The following MAEL variants were observed in gnomAD, a reference collection of about 807,000 sequenced individuals.
MAEL encodes the protein maelstrom spermatogenic transposon silencer, also known as protein maelstrom homolog.
A neutral mutation model predicts 62.0 loss-of-function variants in MAEL; 46 were observed. The ratio of observed to expected loss-of-function variants is 0.74; its 90% CI spans 0.59 to 0.95. MAEL has a LOEUF of 0.95. Among genes scored for constraint, MAEL ranks in the 40% least tolerant of loss-of-function variants. The pLI is 0.00. For synonymous variants in MAEL, 172 were observed against 175.5 expected, an observed-to-expected ratio of 0.98 and a Z score of 0.16; for missense variants, 497 against 526.8, an observed-to-expected ratio of 0.94 and a Z score of 0.55.
intron 8 of MAEL, among the ~76,000 whole-genome samples, chr1:167,012,832 A>G (rs919809081): frequency 7.9e-5 from 12 of 152,300 alleles, no homozygotes; most frequent in African/African-American, 2.6e-4. Context: ...TTGTTAGACA[A>G]TCAGTGTGAC....
Position 166,999,690 on chromosome 1 carries a change from C to T in MAEL, c.524-4490C>T, listed in dbSNP as rs551261163. Among the ~76,000 whole-genome samples, 344 of 152,342 alleles carry T rather than the reference C, an allele frequency of 2.3e-3. 3 individuals are homozygous for T. The highest frequency in any genetic ancestry group is 7.9e-3 in the African/African-American group (328 of 41,580). ...GAAACCACCTTCTGTTGGAAGAAGACACCATCTGGGAGTTTCATAGCTAGA... is the reference window on the plus strand; with the variant it reads ...GAAACCACCTTCTGTTGGAAGAAGATACCATCTGGGAGTTTCATAGCTAGA... On this transcript the variant is annotated intron_variant, in intron 5 of 11. Coordinates refer to ENST00000367872, the MANE Select transcript of MAEL (RefSeq NM_032858.3).
chr1:166,982,513 AG>A (rs1405022084), intron 1 of MAEL, among the ~76,000 whole-genome samples: 4 of 152,192 alleles, frequency 2.6e-5, no homozygotes, highest in African/African-American at 9.7e-5. Flanking sequence ...TTATTAGCAC[AG>A]GAGGGAAGAT....
intron 8 of MAEL, among the ~76,000 whole-genome samples, chr1:167,010,259 A>C (rs1299870769): frequency 6.6e-6 from 1 of 152,126 alleles, no homozygotes; most frequent in Non-Finnish European, 1.5e-5. Context: ...CACCAATGCA[A>C]ATCTGTGAGT....
At position 167,021,994 on chromosome 1, in the gene MAEL, A is replaced by G. The variant is rs1020251331; in HGVS notation, c.*139A>G. 3.3e-6 allele frequency: 2 copies of G among 612,054 alleles called. No individual in the cohort carries two copies. Among genetic ancestry groups the G allele is most frequent in the Non-Finnish European group, 5.3e-6 (2 of 377,348 alleles). The allele number at this position is 612,054 out of a possible 1,614,324, so 37.9% of individuals were successfully genotyped here. On this transcript the variant is annotated 3_prime_UTR_variant, in exon 12 of 12. Coordinates refer to ENST00000367872, the MANE Select transcript of MAEL (RefSeq NM_032858.3). ...AATTTGTAAGGAAATTGTTTCATAG[A>G]TTTAAAAAAATTGTGGTTGGAGAGC... is the stretch of plus-strand genomic sequence containing the variant.
chr1:166,981,663 C>T (rs1253746968), intron 1 of MAEL, among the ~76,000 whole-genome samples: 1 of 152,154 alleles, frequency 6.6e-6, no homozygotes, highest in Non-Finnish European at 1.5e-5. Context: ...TAAGCTTTAA[C>T]ATCATCTGGA....
intron 10 of MAEL, 51 bp downstream of exon 10, chr1:167,018,010 A>G (rs761480798): frequency 3.3e-5 from 52 of 1,556,978 alleles, no homozygotes; most frequent in Middle Eastern, 1.7e-4. Flanking sequence ...GTTCTACTCA[A>G]TGTGATTCTG....
chr1:167,017,784 A>G, intron 9 of MAEL, 43 bp from the exon 10 acceptor site: 1 of 1,549,736 alleles, frequency 6.5e-7, no homozygotes, highest in South Asian at 1.2e-5. Flanking sequence ...TTTTAGTTGA[A>G]TTAAATTAGA....
intron 5 of MAEL, among the ~76,000 whole-genome samples, chr1:166,996,474 C>T (rs1300639645): frequency 6.6e-6 from 1 of 152,192 alleles, no homozygotes; most frequent in Non-Finnish European, 1.5e-5. Flanking sequence ...GCTTCCTATA[C>T]AAAAGGTCCA....
chr1:167,004,757 A>C (rs1207061270), intron 6 of MAEL, among the ~76,000 whole-genome samples: 1 of 152,174 alleles, frequency 6.6e-6, no homozygotes, highest in African/African-American at 2.4e-5. Context: ...CTTGCTACTT[A>C]GTATAACCGT....
At chr1:167,018,914 T>A (rs1044145727) in intron 10 of MAEL, among the ~76,000 whole-genome samples, 2 of 152,148 alleles carry the variant, frequency 1.3e-5, no homozygotes, top group African/African-American at 4.8e-5. Flanking sequence ...AATGGCTCTG[T>A]ATCCTGATTG....
intron 8 of MAEL, among the ~76,000 whole-genome samples, chr1:167,010,165 A>G (rs773286910): frequency 2.0e-5 from 3 of 152,080 alleles, no homozygotes; most frequent in African/African-American, 4.8e-5. Flanking sequence ...CCCTGTTTGC[A>G]CTCATTCCAT....
chr1:167,002,617 T>A (rs1664725020), intron 5 of MAEL, among the ~76,000 whole-genome samples: 1 of 152,186 alleles, frequency 6.6e-6, no homozygotes, highest in South Asian at 2.1e-4. Context: ...TTTCATGGAT[T>A]GAGGTGGTTT....
Position 166,989,348 on chromosome 1 carries a change from C to T in MAEL, c.-5C>T, listed in dbSNP as rs560543252. The T allele has an allele frequency of 6.2e-7, 1 of 1,608,544 alleles. No individual in the cohort carries two copies. Among genetic ancestry groups the T allele is most frequent in the South Asian group, 1.1e-5 (1 of 89,762 alleles). On this transcript the variant is annotated 5_prime_UTR_variant, in exon 1 of 12. Transcript: ENST00000367872. ...TCTGAGGCCAGGAAGTTTGACCGCG[C>T]TGCCATGCCGAACCGTAAGGCCAGC...
chr1:166,982,436 T>A (rs988240308), intron 1 of MAEL, among the ~76,000 whole-genome samples: 9 of 152,286 alleles, frequency 5.9e-5, no homozygotes, highest in African/African-American at 1.7e-4. Flanking sequence ...ATAACCCTTG[T>A]GGAGTGTTTA....
rs188233013 is a variant in MAEL, at chr1:167,016,290, T to C, written c.908+6T>C. On this transcript the variant is annotated splice_donor_region_variant and intron_variant, in intron 9 of 11. Transcript: ENST00000367872. ...GCTGTTTGCAAGAAGATTGCGTAAG[T>C]TGGGGAAAGGAGTTTCTTCATAATA... 1 of 1,612,962 alleles carries C rather than the reference T, an allele frequency of 6.2e-7. No homozygotes were observed. The highest frequency in any genetic ancestry group is 8.5e-7 in the Non-Finnish European group (1 of 1,179,284).
chr1:166,992,703 T>G lies in MAEL; in HGVS notation c.343T>G (p.Phe115Val). 6.3e-7 allele frequency: 1 copy of G among 1,591,550 alleles called. No homozygotes were observed. Among genetic ancestry groups the G allele is most frequent in the East Asian group, 2.3e-5 (1 of 44,214 alleles). The change falls in exon 4 of 12, where the codon TTT becomes GTT. Residue 115 changes from phenylalanine (F) to valine (V), a missense_variant. Physicochemically the swap from Phe to Val is conservative, Grantham distance 50. Transcript: ENST00000367872. The stretch of plus-strand genomic sequence containing the variant: ...TTTTTTAGCTCTCCTTGGAGGCATT[T>G]TTTATTTTTTGAACATTTTTAGCCA... Reference protein sequence around the residue: ...KGDQALLGGIFYFLNIFSHGE... With the variant: ...KGDQALLGGIVYFLNIFSHGE...
upstream of MAEL, among the ~76,000 whole-genome samples, chr1:166,986,909 G>A (rs1663932140): frequency 6.6e-6 from 1 of 150,404 alleles, no homozygotes; most frequent in Non-Finnish European, 1.5e-5. Context: ...AAAAAATCTG[G>A]AAGGCATAAA....
intron 5 of MAEL, among the ~76,000 whole-genome samples, chr1:166,999,361 T>G (rs1038358530): frequency 1.6e-4 from 24 of 152,218 alleles, no homozygotes; most frequent in African/African-American, 5.1e-4. Flanking sequence ...AAAGTTTTAG[T>G]GGTCAGAATA....
In MAEL at chr1:167,014,200, C is replaced by A. The variant is rs150116857; in HGVS notation, c.846-2022C>A. ...GGACATGTACCATTTTTATTCTTTG[C>A]CTGTCATCTTCACAGCGTCTTGGGA... On this transcript the variant is annotated intron_variant, in intron 8 of 11. Coordinates refer to ENST00000367872, the MANE Select transcript of MAEL (RefSeq NM_032858.3). Among the ~76,000 whole-genome samples, 343 of 152,286 alleles carry A rather than the reference C, an allele frequency of 2.3e-3. 3 individuals carry two copies. Among genetic ancestry groups the A allele is most frequent in the African/African-American group, 7.9e-3 (327 of 41,552 alleles).
Sources: allele counts gnomAD v4.1 joint callset (sites outside exome capture counted in the v4.1 genomes callset), GRCh38; gene constraint gnomAD v4.1.1; transcripts MANE v1.5; gene names NCBI Gene and HGNC (gene_info 2026-07-23, HGNC 2026-07-21).